FGF6: variants seen among roughly 807,000 people sequenced by gnomAD.
FGF6 encodes FGF-6.
FGF6 carries 14 observed loss-of-function variants against 18.4 expected under a neutral mutation model. That is an observed-to-expected ratio of 0.76 (90% CI 0.50 to 1.19). FGF6 has a LOEUF of 1.19. Ranked by LOEUF, FGF6 falls within the 50% of genes most tolerant of loss-of-function variation. FGF6 has a pLI of 0.00. For synonymous variants in FGF6, 125 were observed against 116.7 expected (o/e 1.07, Z -0.46); for missense variants, 266 against 271.6 (o/e 0.98, Z 0.15).
intron 2 of FGF6, among the ~76,000 whole-genome samples, chr12:4,439,293 C>G (rs1865660766): frequency 6.6e-6 from 1 of 152,136 alleles, no homozygotes; most frequent in South Asian, 2.1e-4. Context: ...CCCCCCTGTT[C>G]TAACTTTGTA....
rs1476511683 is a variant in FGF6 at position 4,444,213 on chromosome 12, C to T, written c.370G>A (p.Glu124Lys). The T allele has an allele frequency of 1.2e-6, 2 of 1,613,786 alleles. No individual in the cohort carries two copies. The highest frequency in any genetic ancestry group is 1.7e-6 in the Non-Finnish European group (2 of 1,179,746). Residue 124 changes from glutamate to lysine, a missense_variant, in exon 2 of 3, where the codon GAG becomes AAG. Physicochemically the swap from Glu to Lys is moderately conservative, Grantham distance 56. Transcript: ENST00000228837. ...PYSLLEISTV[E>K]RGVVSLFGVR... ...CCAAAGAGACTCACCACGCCTCGCT[C>T]CACAGTGGAAATTTCCAGCAGGCCT...
chr12:4,438,684 C>T (rs987404653), intron 2 of FGF6, among the ~76,000 whole-genome samples: 7 of 121,502 alleles, frequency 5.8e-5, no homozygotes, highest in African/African-American at 9.3e-5. Flanking sequence ...TCTCTTGGAC[C>T]GGGGAGGTGG....
chr12:4,444,289 G>T, intron 1 of FGF6, 53 bp from the exon 2 acceptor site: 1 of 1,267,192 alleles, frequency 7.9e-7, no homozygotes, highest in Non-Finnish European at 1.1e-6. Flanking sequence ...ATCAGAGTGG[G>T]AACTTGAGCC....
chr12:4,436,947 G>A (rs896369997), intron 2 of FGF6, among the ~76,000 whole-genome samples: 1 of 152,210 alleles, frequency 6.6e-6, no homozygotes. Context: ...TGGAATGGAT[G>A]AATGAAGGGA....
At chr12:4,437,652 C>A (rs911320391) in intron 2 of FGF6, among the ~76,000 whole-genome samples, 8 of 152,172 alleles carry the variant, frequency 5.3e-5, no homozygotes, top group Admixed American at 5.2e-4. Context: ...GATCCCAACA[C>A]ATACATGGAT....
At chr12:4,435,769 C>T (rs1436047912) in intron 2 of FGF6, among the ~76,000 whole-genome samples, 1 of 152,178 alleles carries the variant, frequency 6.6e-6, no homozygotes, top group Non-Finnish European at 1.5e-5. Flanking sequence ...CACATGAACG[C>T]TGGACTTCCT....
intron 2 of FGF6, among the ~76,000 whole-genome samples, chr12:4,434,855 T>C (rs544061686): frequency 1.3e-5 from 2 of 152,344 alleles, no homozygotes; most frequent in East Asian, 3.9e-4. Flanking sequence ...GTGACTTTTC[T>C]ACTTCCTAAT....
At chr12:4,440,531 C>T (rs747236785) in intron 2 of FGF6, among the ~76,000 whole-genome samples, 4 of 152,184 alleles carry the variant, frequency 2.6e-5, no homozygotes, top group Admixed American at 2.6e-4. Flanking sequence ...CTTCTGTAGC[C>T]CCTGACTGCT....
In FGF6 at chr12:4,445,202, G is replaced by A. The variant is rs376973928; in HGVS notation, c.346+23C>T. On this transcript the variant is annotated intron_variant, in intron 1 of 2. Coordinates refer to ENST00000228837, the MANE Select transcript of FGF6 (RefSeq NM_020996.3). This position sits in a 1 kb window ranked among gnomAD's most constrained non-coding sequence, Gnocchi z 5.5. ...ATGAGCCCAAACCCCCAAGCGTCCC[G>A]ACTGGCTGCAGCTGGCACTCACTGT... 45 of 1,585,252 alleles carry A rather than the reference G, an allele frequency of 2.8e-5. No individual in the cohort carries two copies. Among genetic ancestry groups the A allele is most frequent in the African/African-American group, 6.7e-5 (5 of 74,110 alleles).
intron 2 of FGF6, among the ~76,000 whole-genome samples, chr12:4,441,658 TC>T (rs1294129121): frequency 6.6e-6 from 1 of 151,866 alleles, no homozygotes; most frequent in Non-Finnish European, 1.5e-5. Context: ...CGTTGCCTTG[TC>T]CCCCTCACCA....
At chr12:4,438,686 G>T (rs943191989) in intron 2 of FGF6, among the ~76,000 whole-genome samples, 3 of 149,476 alleles carry the variant, frequency 2.0e-5, no homozygotes, top group African/African-American at 4.9e-5. Flanking sequence ...TCTTGGACCG[G>T]GGAGGTGGAG....
At position 4,434,333 on chromosome 12, in the gene FGF6, G is replaced by A. The variant is rs1027205381; in HGVS notation, c.509C>T (p.Ala170Val). ...RETLLPNNYNAYESDLYQGTY... is the reference protein window; with the variant it reads ...RETLLPNNYNVYESDLYQGTY... Reference sequence around the variant, plus strand: ...CCCTTGGTACAAGTCTGACTCGTAGGCATTGTAATTGTTGGGCAGGAGGGT... The same window carrying A: ...CCCTTGGTACAAGTCTGACTCGTAGACATTGTAATTGTTGGGCAGGAGGGT... The change falls in exon 3 of 3, where the codon GCC becomes GTC. Residue 170 changes from alanine to valine, a missense_variant. Coordinates refer to ENST00000228837, the MANE Select transcript of FGF6 (RefSeq NM_020996.3). 6.2e-7 allele frequency: 1 copy of A among 1,614,158 alleles called. No individual in the cohort carries two copies. The highest frequency in any genetic ancestry group is 1.3e-5 in the African/African-American group (1 of 75,030).
chr12:4,443,280 C>G (rs754879842), intron 2 of FGF6, among the ~76,000 whole-genome samples: 3 of 152,152 alleles, frequency 2.0e-5, no homozygotes, highest in Non-Finnish European at 4.4e-5. Context: ...GATCAGCTCT[C>G]CACACCCTCC....
chr12:4,438,715 C>T (rs974638439), intron 2 of FGF6, among the ~76,000 whole-genome samples: 4 of 136,650 alleles, frequency 2.9e-5, no homozygotes, highest in East Asian at 2.1e-4. Flanking sequence ...GGGCCAAGAC[C>T]GCACTCCAGC....
chr12:4,441,533 T>C (rs1865690777), intron 2 of FGF6, among the ~76,000 whole-genome samples: 1 of 152,068 alleles, frequency 6.6e-6, no homozygotes, highest in Non-Finnish European at 1.5e-5. Flanking sequence ...TTATATTGTC[T>C]AAAGGGGGGC....
intron 2 of FGF6, among the ~76,000 whole-genome samples, chr12:4,437,747 A>G (rs941949436): frequency 6.6e-6 from 1 of 152,210 alleles, no homozygotes; most frequent in Non-Finnish European, 1.5e-5. Context: ...GAACAACTGA[A>G]TGGTATTTTA....
chr12:4,445,225 T>C lies in FGF6; in HGVS notation c.346A>G (p.Ser116Gly), dbSNP rs749706231. Residue 116 changes from serine (S) to glycine (G), a missense_variant and splice_region_variant, in exon 1 of 3, where the codon AGC (serine) becomes GGC (glycine). Physicochemically the swap from Ser to Gly is moderately conservative, Grantham distance 56 (BLOSUM62 0). Coordinates refer to ENST00000228837, the MANE Select transcript of FGF6 (RefSeq NM_020996.3). This position sits in a 1 kb window ranked among gnomAD's most constrained non-coding sequence, Gnocchi z 5.5. ...ISGTHEENPY[S>G]LLEISTVERG... Reference sequence around the variant, plus strand: ...CCGACTGGCTGCAGCTGGCACTCACTGTAGGGGTTCTCCTCGTGGGTCCCG... The same window carrying C: ...CCGACTGGCTGCAGCTGGCACTCACCGTAGGGGTTCTCCTCGTGGGTCCCG... 21 of 1,605,640 alleles carry C rather than the reference T, an allele frequency of 1.3e-5. No homozygotes were observed. Among genetic ancestry groups the C allele is most frequent in the Admixed American group, 5.1e-5 (3 of 59,014 alleles).
intron 2 of FGF6, among the ~76,000 whole-genome samples, chr12:4,437,062 C>CCT (rs1300771329): frequency 5.9e-5 from 9 of 152,270 alleles, no homozygotes; most frequent in African/African-American, 2.2e-4. Flanking sequence ...GCTACGTGAG[C>CCT]CTGGGGAAAT....
Position 4,444,193 on chromosome 12 carries a change from G to A in FGF6, c.390C>T (p.Leu130=), listed in dbSNP as rs777739740. 6.2e-7 allele frequency: 1 copy of A among 1,613,980 alleles called. No individual in the cohort carries two copies. Among genetic ancestry groups the A allele is most frequent in the Admixed American group, 1.7e-5 (1 of 60,014 alleles). ...CGAAGAGGGCACTTCTCACTCCAAAGAGACTCACCACGCCTCGCTCCACAG... is the reference window on the plus strand; with the variant it reads ...CGAAGAGGGCACTTCTCACTCCAAAAAGACTCACCACGCCTCGCTCCACAG... ...ISTVERGVVS[L]FGVRSALFVA... Residue 130 remains leucine, a synonymous_variant, in exon 2 of 3, where the codon CTC becomes CTT. Transcript: ENST00000228837.
Sources: allele counts gnomAD v4.1 joint callset (sites outside exome capture counted in the v4.1 genomes callset), GRCh38; gene constraint gnomAD v4.1.1; non-coding constraint Gnocchi (gnomAD v3.1); transcripts MANE v1.5; gene names NCBI Gene and HGNC (gene_info 2026-07-23, HGNC 2026-07-21).